GRM7: variants seen among roughly 807,000 people sequenced by gnomAD.
The protein encoded by GRM7 is metabotropic glutamate receptor 7.
Under a neutral mutation model 84.5 loss-of-function variants are expected in GRM7, and 35 were observed. The observed-to-expected ratio is 0.41, with a 90% CI of 0.32 to 0.55. The LOEUF is 0.55. Ranked by LOEUF, GRM7 falls within the 20% of genes least tolerant of loss-of-function variation. GRM7 has a pLI of 0.19. For synonymous variants in GRM7, 487 were observed against 455.1 expected (o/e 1.07, Z -0.89); for missense variants, 1,003 against 1,194.6 (o/e 0.84, Z 2.36).
intron 1 of GRM7, among the ~76,000 whole-genome samples, chr3:7,038,652 T>G (rs1383862473): frequency 6.6e-6 from 1 of 152,204 alleles, no homozygotes. Flanking sequence ...CTGCAATGTT[T>G]ATTTAGTGCC....
At chr3:7,617,817 T>G (rs1157919735) in intron 8 of GRM7, among the ~76,000 whole-genome samples, 1 of 152,136 alleles carries the variant, frequency 6.6e-6, no homozygotes, top group Non-Finnish European at 1.5e-5. Context: ...AATGTCGACC[T>G]TTATTAAAGA....
rs1037615874 is a variant in GRM7, at chr3:7,152,400, C to T, written c.736+5732C>T. Among the ~76,000 whole-genome samples, 32 of 152,188 alleles carry T rather than the reference C, an allele frequency of 2.1e-4. 2 individuals carry two copies. The highest frequency in any genetic ancestry group is 1.3e-3 in the Admixed American group (20 of 15,280). ...CATTTCAGTATCTGTTTCTGGTTTCCTCTTCCACAGAGGATCAAGTAAAAG... is the reference window on the plus strand; with the variant it reads ...CATTTCAGTATCTGTTTCTGGTTTCTTCTTCCACAGAGGATCAAGTAAAAG... On this transcript the variant is annotated intron_variant, in intron 2 of 9. Coordinates refer to ENST00000357716, the MANE Select transcript of GRM7 (RefSeq NM_000844.4).
chr3:7,466,936 A>G (rs1698482540), intron 7 of GRM7, among the ~76,000 whole-genome samples: 1 of 152,220 alleles, frequency 6.6e-6, no homozygotes, highest in Admixed American at 6.5e-5. Context: ...CATTGCTTGG[A>G]TGCCTGTAAA....
chr3:7,070,014 C>A (rs1451188466), intron 1 of GRM7, among the ~76,000 whole-genome samples: 2 of 152,068 alleles, frequency 1.3e-5, no homozygotes, highest in African/African-American at 4.8e-5. Flanking sequence ...AAGTCCCCTT[C>A]TAGGGAAGCA....
intron 4 of GRM7, among the ~76,000 whole-genome samples, chr3:7,316,028 G>A (rs1700569394): frequency 6.6e-6 from 1 of 152,096 alleles, no homozygotes; most frequent in South Asian, 2.1e-4. Context: ...GATGTCTTTT[G>A]ATAAGTGATT....
Position 7,543,561 on chromosome 3 carries a change from G to C in GRM7, c.1516-34861G>C, listed in dbSNP as rs561595503. Reference sequence around the variant, plus strand: ...GCAGCAATTCTGCCACCAGGCTGCAGGCCTGGAAACCTGCCCCTTTCAGAT... The same window carrying C: ...GCAGCAATTCTGCCACCAGGCTGCACGCCTGGAAACCTGCCCCTTTCAGAT... On this transcript the variant is annotated intron_variant, in intron 7 of 9. Transcript: ENST00000357716. 1.5e-4 allele frequency among the ~76,000 whole-genome samples: 23 copies of C among 152,334 alleles called. 1 individual carries two copies. The East Asian group carries it at 4.2e-3, about 28-fold the overall frequency.
chr3:7,530,113 C>A (rs1700979126), intron 7 of GRM7, among the ~76,000 whole-genome samples: 1 of 141,778 alleles, frequency 7.1e-6, no homozygotes, highest in Non-Finnish European at 1.5e-5. Flanking sequence ...CCCCAACAGG[C>A]CCCGGTGTGT....
At chr3:7,739,572 G>T (rs73023802) in intron 9 of GRM7, among the ~76,000 whole-genome samples, 1 of 152,270 alleles carries the variant, frequency 6.6e-6, no homozygotes, top group Non-Finnish European at 1.5e-5. Flanking sequence ...GGCACACTCT[G>T]GGATCCTGGT....
intron 2 of GRM7, among the ~76,000 whole-genome samples, chr3:7,199,512 C>T (rs1458359005): frequency 2.0e-5 from 3 of 152,224 alleles, no homozygotes; most frequent in Admixed American, 6.5e-5. Flanking sequence ...TCAATCACTG[C>T]AGCAGTTGTC....
intron 1 of GRM7, among the ~76,000 whole-genome samples, chr3:7,025,591 G>T (rs916784573): frequency 6.6e-6 from 1 of 152,154 alleles, no homozygotes; most frequent in African/African-American, 2.4e-5. Context: ...AGTCATGCCT[G>T]CAGACGTGCA....
chr3:6,999,213 C>A (rs545124162), intron 1 of GRM7, among the ~76,000 whole-genome samples: 6 of 152,204 alleles, frequency 3.9e-5, no homozygotes, highest in African/African-American at 1.4e-4. Context: ...AGTTTCTTTG[C>A]GAAATCATAG....
chr3:7,247,116 T>A (rs2124931423), intron 2 of GRM7, among the ~76,000 whole-genome samples: 1 of 152,208 alleles, frequency 6.6e-6, no homozygotes, highest in African/African-American at 2.4e-5. Flanking sequence ...TTTAAAAAAA[T>A]AAATCTTAAC....
At chr3:7,494,855 T>G (rs937480738) in intron 7 of GRM7, among the ~76,000 whole-genome samples, 2 of 152,342 alleles carry the variant, frequency 1.3e-5, no homozygotes, top group African/African-American at 4.8e-5. Context: ...CCAAGAGAAC[T>G]CATAATTAAT....
chr3:7,469,108 G>A (rs1281792565), intron 7 of GRM7, among the ~76,000 whole-genome samples: 2 of 152,188 alleles, frequency 1.3e-5, no homozygotes, highest in Non-Finnish European at 2.9e-5. Context: ...TAGGTAAACA[G>A]ACCAACAGTT....
At chr3:7,258,845 A>C (rs1450401945) in intron 2 of GRM7, among the ~76,000 whole-genome samples, 2 of 152,252 alleles carry the variant, frequency 1.3e-5, no homozygotes, top group Admixed American at 1.3e-4. Flanking sequence ...AGAAGATAGC[A>C]AAAGTGAGGA....
At chr3:7,181,993 C>T (rs1047538217) in intron 2 of GRM7, among the ~76,000 whole-genome samples, 3 of 152,122 alleles carry the variant, frequency 2.0e-5, no homozygotes, top group Admixed American at 2.0e-4. Context: ...ATCTAATTAA[C>T]AATGGCCTTG....
intron 8 of GRM7, among the ~76,000 whole-genome samples, chr3:7,633,575 T>G (rs1435788100): frequency 6.6e-6 from 1 of 152,002 alleles, no homozygotes; most frequent in Non-Finnish European, 1.5e-5. Flanking sequence ...AGGGAGGAAT[T>G]AAACTGGAAT....
At chr3:7,580,637 A>G (rs1224457881) in intron 8 of GRM7, among the ~76,000 whole-genome samples, 1 of 152,184 alleles carries the variant, frequency 6.6e-6, no homozygotes, top group Non-Finnish European at 1.5e-5. Context: ...TAAAAAAGTA[A>G]ATATTTCATG....
chr3:7,239,639 G>A (rs1158339977), intron 2 of GRM7, among the ~76,000 whole-genome samples: 2 of 152,128 alleles, frequency 1.3e-5, no homozygotes, highest in Admixed American at 6.5e-5. Context: ...TCTTCCTAAC[G>A]TGGGTGGGCA....
Sources: gnomAD v4.1 joint callset for allele counts (sites outside exome capture counted in the v4.1 genomes callset) on GRCh38, gnomAD v4.1.1 for gene constraint, MANE v1.5 for transcripts, NCBI Gene and HGNC (gene_info 2026-07-23, HGNC 2026-07-21) for gene names.